TOX2: variants seen among roughly 807,000 people sequenced by gnomAD.
The protein encoded by TOX2 is granulosa cell HMG box 1.
TOX2 carries 15 observed loss-of-function variants against 47.4 expected under a neutral mutation model. The ratio of observed to expected loss-of-function variants is 0.32; its 90% CI spans 0.21 to 0.49. The LOEUF (loss-of-function observed/expected upper bound fraction) is 0.49. Among genes scored for constraint, TOX2 ranks in the 20% least tolerant of loss-of-function variants. TOX2 has a pLI of 0.99. For missense variants in TOX2, 622 were observed against 673.1 expected (o/e 0.92, Z 0.84); for synonymous variants, 290 against 296.6 (o/e 0.98, Z 0.23).
intron 1 of TOX2, among the ~76,000 whole-genome samples, chr20:43,936,231 G>C (rs2069326057): frequency 6.6e-6 from 1 of 152,154 alleles, no homozygotes. Flanking sequence ...CTCAGGGTCT[G>C]AACTTTCCTG....
At chr20:44,054,035 C>T (rs1332031198) in intron 4 of TOX2, among the ~76,000 whole-genome samples, 3 of 152,210 alleles carry the variant, frequency 2.0e-5, no homozygotes, top group Non-Finnish European at 4.4e-5. Flanking sequence ...AGCATTCTTT[C>T]CATTCTTTCA....
chr20:43,977,908 G>A (rs1296025242), intron 2 of TOX2, among the ~76,000 whole-genome samples: 3 of 152,186 alleles, frequency 2.0e-5, no homozygotes, highest in African/African-American at 7.2e-5. Flanking sequence ...CTGGGACGAG[G>A]TGAGGAGGAA....
Position 44,066,872 on chromosome 20 carries a change from G to C in TOX2, c.1484+15G>C. On this transcript the variant is annotated intron_variant, in intron 8 of 8. Coordinates refer to ENST00000341197, the MANE Select transcript of TOX2 (RefSeq NM_001098797.2). ...AGCACCTGCAGGTTAGTCCTCGCCC[G>C]TCCCTGCCTTTGTCCTGCCAGCCAG... The C allele has an allele frequency of 6.2e-7, 1 of 1,606,298 alleles. No individual in the cohort carries two copies. Among genetic ancestry groups the C allele is most frequent in the Non-Finnish European group, 8.5e-7 (1 of 1,175,504 alleles).
intron 3 of TOX2, among the ~76,000 whole-genome samples, chr20:44,034,451 G>GGAAT (rs1054969593): frequency 1.1e-4 from 16 of 152,304 alleles, no homozygotes; most frequent in African/African-American, 3.6e-4. Flanking sequence ...GAATGTTTAT[G>GGAAT]GAATGAATGA....
intron 3 of TOX2, among the ~76,000 whole-genome samples, chr20:44,031,546 A>G (rs1226365037): frequency 6.6e-6 from 1 of 152,018 alleles, no homozygotes; most frequent in Non-Finnish European, 1.5e-5. Context: ...TGGCTCATTG[A>G]CCGCCACCGT....
chr20:43,983,761 C>A (rs1327749930), intron 2 of TOX2, among the ~76,000 whole-genome samples: 1 of 152,186 alleles, frequency 6.6e-6, no homozygotes, highest in Non-Finnish European at 1.5e-5. Context: ...GGCTCAGGGG[C>A]TAAATGTTTT....
rs1239577608 is a variant in TOX2, at chr20:44,065,968, T to C, written c.1217T>C (p.Leu406Pro). The C allele has an allele frequency of 1.2e-5, 20 of 1,613,304 alleles. No homozygotes were observed. Among genetic ancestry groups the C allele is most frequent in the Non-Finnish European group, 1.7e-5 (20 of 1,179,878 alleles). Residue 406 changes from leucine (L) to proline (P), a missense_variant, in exon 7 of 9, where the codon CTG becomes CCG. Leu to Pro is a moderately conservative substitution (Grantham distance 98). Coordinates refer to ENST00000341197, the MANE Select transcript of TOX2 (RefSeq NM_001098797.2). ...FPLSPTLHQQ[L>P]SLPPHAQGAL... is the part of the protein sequence containing the mutation. ...CTCAGCCCCACACTGCACCAGCAGC[T>C]GTCACTGCCCCCTCACGCCCAGGGC...
At chr20:44,037,186 T>C (rs189510694) in intron 3 of TOX2, among the ~76,000 whole-genome samples, 124 of 152,318 alleles carry the variant, frequency 8.1e-4, no homozygotes, top group African/African-American at 2.9e-3. Context: ...ACTCCTGACC[T>C]CAGGTGATCC....
rs1232156186 is a variant in TOX2, at chr20:44,066,095, T to C, written c.1344T>C (p.Pro448=). 6.5e-7 allele frequency: 1 copy of C among 1,549,108 alleles called. No homozygotes were observed. Among genetic ancestry groups the C allele is most frequent in the Non-Finnish European group, 8.7e-7 (1 of 1,148,384 alleles). The change falls in exon 7 of 9, where the codon CCT becomes CCC. Residue 448 remains proline (P), a synonymous_variant. Coordinates refer to ENST00000341197, the MANE Select transcript of TOX2 (RefSeq NM_001098797.2). ...TGCAGCTGGCGATGAGCCCCTCACCTCCAGGGCCACAGGTAAGCAGGGAAG... is the reference window on the plus strand; with the variant it reads ...TGCAGCTGGCGATGAGCCCCTCACCCCCAGGGCCACAGGTAAGCAGGGAAG... ...LQVQLAMSPS[P]PGPQDFPHIS... is the part of the protein sequence containing the mutation.
chr20:43,991,615 ATTATT>A (rs2145550350), intron 2 of TOX2, among the ~76,000 whole-genome samples: 1 of 938 alleles, frequency 1.1e-3, no homozygotes, highest in East Asian at 0.5. Context: ...GGCAATAATC[ATTATT>A]ATTATTATTA....
chr20:44,008,391 C>T (rs1418132612), intron 3 of TOX2, among the ~76,000 whole-genome samples: 2 of 151,944 alleles, frequency 1.3e-5, no homozygotes, highest in Admixed American at 6.6e-5. Flanking sequence ...GAAATTCTGT[C>T]TCTACTAAAA....
intron 8 of TOX2, among the ~76,000 whole-genome samples, chr20:44,068,032 C>T (rs75143263): frequency 0.012 from 1,754 of 152,272 alleles, 27 homozygotes; most frequent in African/African-American, 0.035. Flanking sequence ...AAGTGACCAG[C>T]GCGCATGCCC....
intron 2 of TOX2, among the ~76,000 whole-genome samples, chr20:43,998,255 C>G (rs769687989): frequency 6.6e-6 from 1 of 152,186 alleles, no homozygotes; most frequent in Non-Finnish European, 1.5e-5. Flanking sequence ...CCACCAGGCC[C>G]CTGCCTGAAC....
At chr20:43,950,906 T>A (rs2069551731) in intron 1 of TOX2, among the ~76,000 whole-genome samples, 1 of 151,966 alleles carries the variant, frequency 6.6e-6, no homozygotes, top group African/African-American at 2.4e-5. Flanking sequence ...AGCAAATACT[T>A]TTTTGGTGCA....
chr20:44,022,543 C>G (rs994100229), intron 3 of TOX2, among the ~76,000 whole-genome samples: 1 of 152,252 alleles, frequency 6.6e-6, no homozygotes, highest in African/African-American at 2.4e-5. Flanking sequence ...CATTGGTGAA[C>G]TGACAGTGGA....
intron 2 of TOX2, among the ~76,000 whole-genome samples, chr20:43,994,716 G>A (rs2070439624): frequency 6.6e-6 from 1 of 152,168 alleles, no homozygotes; most frequent in Non-Finnish European, 1.5e-5. Context: ...CCAGGATGCT[G>A]CTGAAACCTT....
In TOX2 at chr20:43,927,643, C is replaced by CTT. The variant is rs1569003585; in HGVS notation, c.99+12653_99+12654insTT. On this transcript the variant is annotated intron_variant, in intron 1 of 8. Transcript: ENST00000341197. ...TTCCTTCCTCCTTCCTTCCTTCCTC[C>CTT]CCTTCCCTTCCCTTCCCCTTCCTTC... 2.8e-3 allele frequency among the ~76,000 whole-genome samples: 315 copies of CTT among 111,078 alleles called. 12 individuals carry two copies. The highest frequency in any genetic ancestry group is 0.015 in the African/African-American group (277 of 18,752). 72.9% of individuals were successfully genotyped at this position (111,078 alleles called of 152,430 possible).
intron 3 of TOX2, among the ~76,000 whole-genome samples, chr20:44,043,356 A>G (rs41333944): frequency 0.039 from 5,962 of 152,332 alleles, 166 homozygotes; most frequent in Non-Finnish European, 0.056. Context: ...TGCAGGTACA[A>G]GTTAAGGTCC....
At chr20:43,976,014 T>C (rs2070071897) in intron 2 of TOX2, among the ~76,000 whole-genome samples, 1 of 152,244 alleles carries the variant, frequency 6.6e-6, no homozygotes, top group Non-Finnish European at 1.5e-5. Flanking sequence ...TCTCCCTAAC[T>C]TAGGACTTTA....
Sources: allele counts gnomAD v4.1 joint callset (sites outside exome capture counted in the v4.1 genomes callset), GRCh38; gene constraint gnomAD v4.1.1; transcripts MANE v1.5; gene names NCBI Gene and HGNC (gene_info 2026-07-23, HGNC 2026-07-21).